The following CNIH3 variants were observed in gnomAD, a reference collection of about 807,000 sequenced individuals.
CNIH3 encodes protein cornichon homolog 3.
A neutral mutation model predicts 24.1 loss-of-function variants in CNIH3; 14 were observed. That is an observed-to-expected ratio of 0.58 (90% CI 0.38 to 0.91). The LOEUF (loss-of-function observed/expected upper bound fraction) is 0.91, where lower values mean the gene tolerates loss of function less well. Ranked by LOEUF, CNIH3 falls within the 40% of genes least tolerant of loss-of-function variation. The pLI, the probability that CNIH3 is intolerant of heterozygous loss-of-function variation, is 0.00. For synonymous variants in CNIH3, 68 were observed against 73.8 expected (o/e 0.92, Z 0.40); for missense variants, 178 against 196.8 (o/e 0.90, Z 0.57).
chr1:224,726,883 T>TA (rs11461562), intron 3 of CNIH3, among the ~76,000 whole-genome samples: 35,552 of 147,132 alleles, frequency 0.24, 4,370 homozygotes, highest in East Asian at 0.37. Context: ...CTTCTCTTAT[T>TA]AAAAAAAAAA....
chr1:224,696,277 T>C (rs1687174539), intron 3 of CNIH3, among the ~76,000 whole-genome samples: 1 of 152,230 alleles, frequency 6.6e-6, no homozygotes, highest in Non-Finnish European at 1.5e-5. Context: ...AAAAGGGCCA[T>C]TTCTTTGAAG....
At chr1:224,633,121 G>T (rs1683908497) in intron 1 of CNIH3, among the ~76,000 whole-genome samples, 1 of 152,038 alleles carries the variant, frequency 6.6e-6, no homozygotes, top group Non-Finnish European at 1.5e-5. Flanking sequence ...CTGGGTATGA[G>T]GTGTCAGGTT....
intron 5 of CNIH3, among the ~76,000 whole-genome samples, chr1:224,585,786 G>A (rs1345089051): frequency 6.6e-6 from 1 of 151,994 alleles, no homozygotes; most frequent in African/African-American, 2.4e-5. Flanking sequence ...ACCGCACCTA[G>A]CCCATTCATT....
chr1:224,736,416 G>A (rs761746579), intron 5 of CNIH3, among the ~76,000 whole-genome samples: 17 of 152,292 alleles, frequency 1.1e-4, no homozygotes, highest in African/African-American at 3.9e-4. Context: ...GTGAGCCACC[G>A]TGCCCAGTAG....
chr1:224,461,534 C>T (rs1472307787), intron 1 of CNIH3, among the ~76,000 whole-genome samples: 1 of 152,144 alleles, frequency 6.6e-6, no homozygotes, highest in African/African-American at 2.4e-5. Context: ...AACCTATGGA[C>T]GTATGTATTT....
At chr1:224,655,796 C>T (rs1316777646) in intron 1 of CNIH3, among the ~76,000 whole-genome samples, 1 of 152,178 alleles carries the variant, frequency 6.6e-6, no homozygotes, top group Admixed American at 6.5e-5. Flanking sequence ...ACACATCTCT[C>T]TCAACGGACT....
intron 1 of CNIH3, among the ~76,000 whole-genome samples, chr1:224,463,276 C>T (rs192106045): frequency 2.0e-5 from 3 of 152,140 alleles, no homozygotes; most frequent in South Asian, 4.2e-4. Flanking sequence ...TGTGAGAGTC[C>T]GGTTTCTTCA....
chr1:224,519,267 A>C (rs1278059690), intron 1 of CNIH3, among the ~76,000 whole-genome samples: 1 of 152,210 alleles, frequency 6.6e-6, no homozygotes, highest in Non-Finnish European at 1.5e-5. Flanking sequence ...TGAATAGAAC[A>C]GAAGGCAGAG....
chr1:224,461,086 T>G (rs568082135), intron 1 of CNIH3, among the ~76,000 whole-genome samples: 2 of 151,544 alleles, frequency 1.3e-5, no homozygotes. Context: ...CACTGCAACC[T>G]CCACCTCCTG....
chr1:224,542,251 G>A (rs1679538709), downstream of CNIH3, among the ~76,000 whole-genome samples: 1 of 152,162 alleles, frequency 6.6e-6, no homozygotes, highest in Non-Finnish European at 1.5e-5. Flanking sequence ...TCTATTTGTA[G>A]GAAGCAACAT....
chr1:224,436,689 T>G (rs6426123), intron 1 of CNIH3: 2 of 152,076 alleles, frequency 1.3e-5, no homozygotes, highest in Non-Finnish European at 2.9e-5. Flanking sequence ...CTCTGGGTCT[T>G]TAGGTCTTTC....
chr1:224,528,868 C>T (rs1678948112), intron 2 of CNIH3, among the ~76,000 whole-genome samples: 1 of 152,188 alleles, frequency 6.6e-6, no homozygotes, highest in African/African-American at 2.4e-5. Context: ...TTAGAGACTA[C>T]CCAACTTGCG....
intron 1 of CNIH3, among the ~76,000 whole-genome samples, chr1:224,505,092 C>T (rs1399968352): frequency 1.5e-5 from 2 of 130,268 alleles, no homozygotes; most frequent in African/African-American, 5.8e-5. Context: ...CAAGTGTAAG[C>T]TTTTAAAGAG....
chr1:224,612,930 C>A (rs958752766), upstream of CNIH3, among the ~76,000 whole-genome samples: 1 of 152,142 alleles, frequency 6.6e-6, no homozygotes, highest in African/African-American at 2.4e-5. This position sits in a 1 kb window ranked among gnomAD's most constrained non-coding sequence, Gnocchi z 4.7. Flanking sequence ...AGAAATACAC[C>A]AGGATTGTGT....
chr1:224,493,065 G>C (rs1345312782), intron 1 of CNIH3, among the ~76,000 whole-genome samples: 1 of 152,092 alleles, frequency 6.6e-6, no homozygotes, highest in African/African-American at 2.4e-5. Flanking sequence ...ATTGACCCAG[G>C]GTCTTTAATC....
intron 3 of CNIH3, among the ~76,000 whole-genome samples, chr1:224,562,216 A>G (rs1370751187): frequency 1.3e-5 from 2 of 152,192 alleles, no homozygotes; most frequent in African/African-American, 4.8e-5. Flanking sequence ...TTTGGAATAC[A>G]AGAGAAAATG....
chr1:224,469,112 G>A (rs1158014739), intron 1 of CNIH3, among the ~76,000 whole-genome samples: 3 of 151,684 alleles, frequency 2.0e-5, no homozygotes, highest in Non-Finnish European at 4.4e-5. Flanking sequence ...ACAGGGTCTT[G>A]TTCTGTCACT....
intron 3 of CNIH3, among the ~76,000 whole-genome samples, chr1:224,550,565 A>G (rs956221845): frequency 6.6e-5 from 10 of 152,234 alleles, no homozygotes; most frequent in African/African-American, 2.4e-4. Flanking sequence ...TATAGAAATA[A>G]CAGAGTGATG....
At chr1:224,518,551 T>G (rs1227124352) in intron 1 of CNIH3, among the ~76,000 whole-genome samples, 1 of 152,204 alleles carries the variant, frequency 6.6e-6, no homozygotes, top group East Asian at 1.9e-4. Flanking sequence ...AAGCTGGTCT[T>G]GAACTCTGGC....
Sources: allele counts gnomAD v4.1 joint callset (sites outside exome capture counted in the v4.1 genomes callset), GRCh38; gene constraint gnomAD v4.1.1; non-coding constraint Gnocchi (gnomAD v3.1); transcripts MANE v1.5; gene names NCBI Gene and HGNC (gene_info 2026-07-23, HGNC 2026-07-21).